DHCR24: variants seen among roughly 807,000 people sequenced by gnomAD.
DHCR24 encodes the protein 24-dehydrocholesterol reductase.
Under a neutral mutation model 61.2 loss-of-function variants are expected in DHCR24, and 28 were observed. The observed-to-expected ratio is 0.46, with a 90% confidence interval of 0.34 to 0.63. The LOEUF (loss-of-function observed/expected upper bound fraction) is 0.63. Ranked by LOEUF, DHCR24 falls within the 20% of genes least tolerant of loss-of-function variation. The pLI is 0.01. For synonymous variants in DHCR24, 261 were observed against 275.9 expected (o/e 0.95, Z 0.54); for missense variants, 538 against 679.1 (o/e 0.79, Z 2.31).
chr1:54,855,425 C>G (rs2101556869), intron 6 of DHCR24, among the ~76,000 whole-genome samples: 1 of 151,636 alleles, frequency 6.6e-6, no homozygotes, highest in East Asian at 1.9e-4. Flanking sequence ...TCCAAGGGGC[C>G]TCCGAGGTCA....
chr1:54,858,836 A>G (rs1646921387), intron 6 of DHCR24, among the ~76,000 whole-genome samples: 1 of 152,104 alleles, frequency 6.6e-6, no homozygotes, highest in Non-Finnish European at 1.5e-5. Flanking sequence ...GGGTTTCTCC[A>G]TGTTGGTCAG....
chr1:54,865,273 G>A (rs756700638), intron 6 of DHCR24, 30 bp downstream of exon 6: 1 of 1,605,674 alleles, frequency 6.2e-7, no homozygotes, highest in Non-Finnish European at 8.5e-7. Context: ...TGGCCTGGAG[G>A]AGCCAGGGCT....
rs142275031 is a variant in DHCR24, at chr1:54,868,834, G to A, written c.876+2516C>T. 5.6e-3 allele frequency among the ~76,000 whole-genome samples: 855 copies of A among 152,242 alleles called. 11 individuals are homozygous for A. Among genetic ancestry groups the A allele is most frequent in the African/African-American group, 0.019 (796 of 41,538 alleles). On this transcript the variant is annotated intron_variant, in intron 5 of 8. Coordinates refer to ENST00000371269, the MANE Select transcript of DHCR24 (RefSeq NM_014762.4). ...TGTAATCCCAGCATTTTGGGAGGCCGAGGCAGGCGATCACCTGAGCTCAGA... is the reference window on the plus strand; with the variant it reads ...TGTAATCCCAGCATTTTGGGAGGCCAAGGCAGGCGATCACCTGAGCTCAGA...
chr1:54,861,482 C>A (rs1439721678), intron 6 of DHCR24, among the ~76,000 whole-genome samples: 4 of 152,150 alleles, frequency 2.6e-5, no homozygotes, highest in African/African-American at 7.2e-5. Context: ...GCCCTCTAGT[C>A]CCCTGACTTC....
At chr1:54,860,467 C>G (rs6588533) in intron 6 of DHCR24, among the ~76,000 whole-genome samples, 47,086 of 152,010 alleles carry the variant, frequency 0.31, 7,913 homozygotes, top group East Asian at 0.68. Flanking sequence ...CACTGGGATA[C>G]ACGGAGGTGA....
In DHCR24 at chr1:54,852,295, G is replaced by A; in HGVS notation, c.1489C>T (p.Leu497=). The A allele has an allele frequency of 6.2e-7, 1 of 1,614,238 alleles. No individual in the cohort carries two copies. The highest frequency in any genetic ancestry group is 1.1e-5 in the South Asian group (1 of 91,088). The change falls in exon 9 of 9, where the codon CTG becomes TTG. Residue 497 remains leucine (L), a synonymous_variant. Transcript: ENST00000371269. ...GSLYHKLREK[L]GCQDAFPEVY... ...TCGGGGAAGGCGTCCTGGCAACCCA[G>A]CTTCTCTCGCAGCTTGTGGTACAAG...
At chr1:54,863,455 C>G (rs576881964) in intron 6 of DHCR24, among the ~76,000 whole-genome samples, 4 of 152,216 alleles carry the variant, frequency 2.6e-5, no homozygotes, top group Non-Finnish European at 5.9e-5. Flanking sequence ...TCATTCCTCA[C>G]CATAGCTCAG....
chr1:54,862,910 A>C (rs1570186341), intron 6 of DHCR24, among the ~76,000 whole-genome samples: 1 of 152,156 alleles, frequency 6.6e-6, no homozygotes, highest in Non-Finnish European at 1.5e-5. Flanking sequence ...CCCCGTCTCT[A>C]CTAAAAATAC....
At chr1:54,862,647 A>G (rs576516272) in intron 6 of DHCR24, among the ~76,000 whole-genome samples, 17 of 152,238 alleles carry the variant, frequency 1.1e-4, no homozygotes, top group African/African-American at 3.1e-4. Flanking sequence ...GTGGCTGAGA[A>G]ATGTGTATAT....
Position 54,852,100 on chromosome 1 carries a change from T to A in DHCR24, c.*133A>T. 9.6e-7 allele frequency: 1 copy of A among 1,037,288 alleles called. No homozygotes were observed. Among genetic ancestry groups the A allele is most frequent in the Non-Finnish European group, 1.4e-6 (1 of 707,468 alleles). The allele number at this position is 1,037,288 out of a possible 1,614,324, so 64.3% of individuals were successfully genotyped here. A position where few individuals can be genotyped will look rare whatever the true frequency, so the allele number is the denominator to read the frequency against. On this transcript the variant is annotated 3_prime_UTR_variant, in exon 9 of 9. Coordinates refer to ENST00000371269, the MANE Select transcript of DHCR24 (RefSeq NM_014762.4). ...CCCCTGGAAGCCAGGAGGAAGGTGG[T>A]GTTGGGCTGTCAGGGTGGGAGTTCT... is the stretch of plus-strand genomic sequence containing the variant.
chr1:54,886,670 C>T, intron 1 of DHCR24: 1 of 1,509,766 alleles, frequency 6.6e-7, no homozygotes, highest in Non-Finnish European at 8.8e-7. Context: ...CTCCAGGTAC[C>T]CGCATATGCC....
At chr1:54,874,705 G>T (rs1335767265) in intron 4 of DHCR24, among the ~76,000 whole-genome samples, 1 of 152,182 alleles carries the variant, frequency 6.6e-6, no homozygotes, top group Non-Finnish European at 1.5e-5. Flanking sequence ...ATGGCATAAT[G>T]AACGGCTAAG....
rs111653362 is a variant in DHCR24 at position 54,870,034 on chromosome 1, ACG to A, written c.876+1314_876+1315del. Reference sequence around the variant, plus strand: ...CACGCGCTGCACTCCAGCCTGAGCGACGGAGTGAGACTCCATCTCAAAAAAAA... The same window carrying A: ...CACGCGCTGCACTCCAGCCTGAGCGAGAGTGAGACTCCATCTCAAAAAAAA... On this transcript the variant is annotated intron_variant, in intron 5 of 8. Coordinates refer to ENST00000371269, the MANE Select transcript of DHCR24 (RefSeq NM_014762.4). Among the ~76,000 whole-genome samples, 97 of 151,652 alleles carry A rather than the reference ACG, an allele frequency of 6.4e-4. 1 individual carries two copies. Among genetic ancestry groups the A allele is most frequent in the Admixed American group, 2.4e-3 (36 of 15,214 alleles).
chr1:54,854,751 G>C (rs1646897291), intron 6 of DHCR24, among the ~76,000 whole-genome samples: 1 of 152,196 alleles, frequency 6.6e-6, no homozygotes, highest in African/African-American at 2.4e-5. Flanking sequence ...GTCTGGCTCA[G>C]GTTCGACAAG....
At position 54,880,944 on chromosome 1, in the gene DHCR24, T is replaced by C. The variant is rs186685729; in HGVS notation, c.387+2674A>G. 2.3e-3 allele frequency among the ~76,000 whole-genome samples: 348 copies of C among 151,844 alleles called. 4 individuals carry two copies. The highest frequency in any genetic ancestry group is 7.9e-3 in the African/African-American group (327 of 41,382). ...CAGGCAGATCACCTGAGGTCAAGAG[T>C]TTGAGACCAGCCTGGCCAACATGGT... On this transcript the variant is annotated intron_variant, in intron 2 of 8. Coordinates refer to ENST00000371269, the MANE Select transcript of DHCR24 (RefSeq NM_014762.4).
At chr1:54,874,015 T>G (rs1292595231) in intron 4 of DHCR24, among the ~76,000 whole-genome samples, 1 of 152,166 alleles carries the variant, frequency 6.6e-6, no homozygotes, top group Non-Finnish European at 1.5e-5. Flanking sequence ...AGAAACAAGC[T>G]TATAGAATAA....
intron 5 of DHCR24, among the ~76,000 whole-genome samples, chr1:54,867,594 T>C (rs1646974203): frequency 6.6e-6 from 1 of 152,148 alleles, no homozygotes; most frequent in South Asian, 2.1e-4. Flanking sequence ...AGGGAGCATC[T>C]AATACATCAA....
rs553841527 is a variant in DHCR24 at position 54,857,071 on chromosome 1, C to T, written c.1021-2837G>A. On this transcript the variant is annotated intron_variant, in intron 6 of 8. Coordinates refer to ENST00000371269, the MANE Select transcript of DHCR24 (RefSeq NM_014762.4). ...ATAGTCAACTGGTATCCAAATATAT[C>T]AGCTGAAACCATTCCTTTTCCAGTC... 2.0e-5 allele frequency among the ~76,000 whole-genome samples: 3 copies of T among 152,358 alleles called. No homozygotes were observed. In the South Asian group the frequency reaches 6.2e-4, roughly 32 times the overall value.
In DHCR24 at chr1:54,852,250, T is replaced by G. The variant is rs1360009222; in HGVS notation, c.1534A>C (p.Lys512Gln). The change falls in exon 9 of 9, where the codon AAG becomes CAG. Residue 512 changes from lysine (K) to glutamine (Q), a missense_variant. Physicochemically the swap from Lys to Gln is moderately conservative, Grantham distance 53. Transcript: ENST00000371269. Reference protein sequence around the residue: ...AFPEVYDKICKAARH With the variant: ...AFPEVYDKICQAARH ...GCTCCAGCTCAGTGCCTGGCGGCCT[T>G]GCAGATCTTGTCGTACACCTCGGGG... The G allele has an allele frequency of 6.2e-7, 1 of 1,614,088 alleles. No homozygotes were observed. Among genetic ancestry groups the G allele is most frequent in the Non-Finnish European group, 8.5e-7 (1 of 1,180,050 alleles).
Sources: gnomAD v4.1 joint callset for allele counts (sites outside exome capture counted in the v4.1 genomes callset) on GRCh38, gnomAD v4.1.1 for gene constraint, MANE v1.5 for transcripts, NCBI Gene and HGNC (gene_info 2026-07-23, HGNC 2026-07-21) for gene names.